AGBL1: variants seen among roughly 807,000 people sequenced by gnomAD.
The protein encoded by AGBL1 is cytosolic carboxypeptidase 4.
Under a neutral mutation model 118.9 loss-of-function variants are expected in AGBL1, and 130 were observed. The observed-to-expected ratio is 1.09, with a 90% confidence interval of 0.95 to 1.26. The LOEUF is 1.26. Ranked by LOEUF, AGBL1 falls within the 50% of genes most tolerant of loss-of-function variation. The pLI is 0.00. For missense variants in AGBL1, 1,584 were observed against 1,298.1 expected, an observed-to-expected ratio of 1.22 and a Z score of -3.38; for synonymous variants, 555 against 478.9, an observed-to-expected ratio of 1.16 and a Z score of -2.08.
chr15:86,474,385 C>T (rs560489268), intron 18 of AGBL1, among the ~76,000 whole-genome samples: 21 of 152,314 alleles, frequency 1.4e-4, no homozygotes, highest in East Asian at 9.7e-4. Flanking sequence ...ACTAATACTG[C>T]GCTTTTCCAA....
intron 21 of AGBL1, among the ~76,000 whole-genome samples, chr15:86,664,376 A>G (rs967571802): frequency 3.9e-5 from 6 of 152,214 alleles, no homozygotes; most frequent in Non-Finnish European, 1.5e-5. Context: ...ACAGATCTGC[A>G]TGGTCTGATT....
At chr15:86,476,386 A>T (rs2082559305) in intron 18 of AGBL1, among the ~76,000 whole-genome samples, 2 of 152,324 alleles carry the variant, frequency 1.3e-5, no homozygotes, top group South Asian at 2.1e-4. Flanking sequence ...GTGGAGAAAG[A>T]TCTACCAAGA....
intron 18 of AGBL1, among the ~76,000 whole-genome samples, chr15:86,519,285 T>C (rs994055012): frequency 6.6e-6 from 1 of 152,132 alleles, no homozygotes; most frequent in Non-Finnish European, 1.5e-5. Flanking sequence ...AAAGCAGAAC[T>C]TCAAACTATT....
At chr15:86,783,230 A>G (rs2078359102) in intron 22 of AGBL1, among the ~76,000 whole-genome samples, 1 of 152,100 alleles carries the variant, frequency 6.6e-6, no homozygotes, top group African/African-American at 2.4e-5. Context: ...ATGCATGTTT[A>G]TTCTTCTACC....
At chr15:86,107,567 T>C (rs1031456697) in intron 1 of AGBL1, 1 of 152,238 alleles carries the variant, frequency 6.6e-6, no homozygotes, top group Non-Finnish European at 1.5e-5. Flanking sequence ...AGAAGCAATG[T>C]CAAATCTCTC....
intron 22 of AGBL1, among the ~76,000 whole-genome samples, chr15:86,748,136 AC>A (rs1469661753): frequency 1.3e-5 from 2 of 152,082 alleles, no homozygotes; most frequent in African/African-American, 4.8e-5. Flanking sequence ...CCTCTCCAGC[AC>A]CTGTTGTTTC....
intron 3 of AGBL1, among the ~76,000 whole-genome samples, chr15:86,153,099 G>T (rs965711271): frequency 6.6e-6 from 1 of 152,206 alleles, no homozygotes; most frequent in Non-Finnish European, 1.5e-5. Context: ...GGAAGACAGT[G>T]TGGTGACTCC....
chr15:86,344,774 A>C (rs939261949), intron 17 of AGBL1, among the ~76,000 whole-genome samples: 9 of 152,112 alleles, frequency 5.9e-5, no homozygotes, highest in African/African-American at 2.2e-4. Context: ...TCACAATGTT[A>C]ACTATTAATG....
chr15:86,317,092 T>G (rs1397172243), intron 17 of AGBL1: 1 of 152,316 alleles, frequency 6.6e-6, no homozygotes, highest in African/African-American at 2.4e-5. Flanking sequence ...ATTTGGTATT[T>G]CCTGCCTCTC....
chr15:86,589,887 A>G (rs893383969), intron 21 of AGBL1, among the ~76,000 whole-genome samples: 1 of 152,168 alleles, frequency 6.6e-6, no homozygotes, highest in African/African-American at 2.4e-5. Context: ...TGCATTTCCT[A>G]AAAACAAGGT....
At chr15:86,477,249 G>A (rs1301336319) in intron 18 of AGBL1, among the ~76,000 whole-genome samples, 2 of 100,228 alleles carry the variant, frequency 2.0e-5, no homozygotes, top group African/African-American at 4.8e-5. Flanking sequence ...AACTGAAGGA[G>A]ATAGAGACAC....
At chr15:86,106,829 A>G (rs893612984) in intron 1 of AGBL1, among the ~76,000 whole-genome samples, 1 of 152,244 alleles carries the variant, frequency 6.6e-6, no homozygotes, top group African/African-American at 2.4e-5. Context: ...GGAGTTGCTC[A>G]TAGAAAGATC....
intron 22 of AGBL1, among the ~76,000 whole-genome samples, chr15:86,797,321 C>T (rs1177569939): frequency 6.6e-6 from 1 of 152,214 alleles, no homozygotes. Context: ...TTCCTCTTTA[C>T]ATCCCAGTGA....
At chr15:87,012,743 C>CTAGA (rs2081574030) in intron 24 of AGBL1, among the ~76,000 whole-genome samples, 1 of 151,850 alleles carries the variant, frequency 6.6e-6, no homozygotes, top group African/African-American at 2.4e-5. Context: ...GTACAGCAGA[C>CTAGA]TAGATAGGGA....
intron 17 of AGBL1, among the ~76,000 whole-genome samples, chr15:86,318,696 A>ATTTTTTTTTTTTTTTT (rs57988335): frequency 2.4e-5 from 2 of 81,950 alleles, no homozygotes; most frequent in Non-Finnish European, 2.3e-5. Flanking sequence ...TTGATCATAG[A>ATTTTTTTTTTTTTTTT]TTTTTTTTTT....
intron 1 of AGBL1, among the ~76,000 whole-genome samples, chr15:86,130,117 T>C (rs1009725208): frequency 3.3e-5 from 5 of 152,076 alleles, no homozygotes; most frequent in African/African-American, 4.8e-5. Flanking sequence ...ACTGGCCTCT[T>C]TTATATGTCT....
At chr15:86,443,572 G>A (rs1471593543) in intron 18 of AGBL1, among the ~76,000 whole-genome samples, 2 of 152,086 alleles carry the variant, frequency 1.3e-5, no homozygotes. Flanking sequence ...TGTATTTTGT[G>A]TTTATTAACA....
chr15:86,745,335 G>T (rs2077740221), intron 22 of AGBL1, among the ~76,000 whole-genome samples: 1 of 152,002 alleles, frequency 6.6e-6, no homozygotes, highest in South Asian at 2.1e-4. Context: ...AAGTTTACAT[G>T]ACCTGCTCTG....
chr15:86,300,689 C>G (rs111933977), intron 17 of AGBL1, among the ~76,000 whole-genome samples: 1 of 152,194 alleles, frequency 6.6e-6, no homozygotes, highest in Non-Finnish European at 1.5e-5. Flanking sequence ...GCCACAGTCT[C>G]CTATGGCTCA....
Sources: allele counts gnomAD v4.1 joint callset (sites outside exome capture counted in the v4.1 genomes callset), GRCh38; gene constraint gnomAD v4.1.1; transcripts MANE v1.5; gene names NCBI Gene and HGNC (gene_info 2026-07-23, HGNC 2026-07-21).